Variants in PAK2 observed in about 807,000 individuals in gnomAD.
PAK2 encodes the protein serine/threonine-protein kinase PAK 2.
A neutral mutation model predicts 65.9 loss-of-function variants in PAK2; 21 were observed. That is an observed-to-expected ratio of 0.32 (90% CI 0.23 to 0.46). The LOEUF is 0.46. Among genes scored for constraint, PAK2 ranks in the 20% least tolerant of loss-of-function variants. The pLI, the probability that PAK2 is intolerant of heterozygous loss-of-function variation, is 1.00. For synonymous variants in PAK2, 204 were observed against 219.7 expected, an observed-to-expected ratio of 0.93 and a Z score of 0.63; for missense variants, 324 against 642.6, an observed-to-expected ratio of 0.50 and a Z score of 5.36.
rs55926500 is a variant in PAK2 at position 196,803,043 on chromosome 3, A to G, written c.315A>G (p.Leu105=). 639 of 1,607,176 alleles carry G rather than the reference A, an allele frequency of 4.0e-4. 6 individuals carry two copies. The East Asian group carries it at 0.012, about 31-fold the overall frequency. ...FTGMPEQWAR[L]LQTSNITKLE... ...GCATGCCAGAACAGTGGGCTCGATT[A>G]CTACAGACCTCCAATATCACCAAAC... Residue 105 remains leucine, a synonymous_variant, in exon 4 of 15, where the codon TTA becomes TTG. Transcript: ENST00000327134.
chr3:196,769,304 CAGTG>C (rs913275855), intron 1 of PAK2, among the ~76,000 whole-genome samples: 1 of 151,926 alleles, frequency 6.6e-6, no homozygotes, highest in African/African-American at 2.4e-5. Context: ...GCTTGGGTGA[CAGTG>C]AGTCTCAAAA....
chr3:196,763,029 T>A (rs1714037325), intron 1 of PAK2, among the ~76,000 whole-genome samples: 1 of 152,006 alleles, frequency 6.6e-6, no homozygotes, highest in African/African-American at 2.4e-5. Flanking sequence ...ATAGCAAAAG[T>A]AAGAAGCAGC....
intron 14 of PAK2, among the ~76,000 whole-genome samples, chr3:196,828,055 C>T (rs139422331): frequency 0.021 from 2,727 of 128,866 alleles, 50 homozygotes; most frequent in South Asian, 0.066. Flanking sequence ...ATCCTCAGAC[C>T]TGTTTACAGT....
At chr3:196,796,793 GCAGA>G (rs1362337316) in intron 2 of PAK2, among the ~76,000 whole-genome samples, 1 of 152,188 alleles carries the variant, frequency 6.6e-6, no homozygotes, top group East Asian at 1.9e-4. Flanking sequence ...TGTATAAACA[GCAGA>G]CAAACTAGAG....
rs71301221 is a variant in PAK2, at chr3:196,759,498, G to GTTTTTTTTTTTTTTTTTT, written c.-22+19363_-22+19380dup. On this transcript the variant is annotated intron_variant, in intron 1 of 14. Transcript: ENST00000327134. The stretch of plus-strand genomic sequence containing the variant: ...GGTATACAGTTAAGTGGTTTTTTTT[G>GTTTTTTTTTTTTTTTTTT]TTTTTTTTTTTTTTTTTTTTTTTTT... 4.5e-4 allele frequency among the ~76,000 whole-genome samples: 49 copies of GTTTTTTTTTTTTTTTTTT among 108,156 alleles called. 1 individual carries two copies. The highest frequency in any genetic ancestry group is 5.8e-4 in the Non-Finnish European group (32 of 55,418). 71.0% of individuals were successfully genotyped at this position (108,156 alleles called of 152,430 possible).
intron 13 of PAK2, among the ~76,000 whole-genome samples, chr3:196,825,074 A>G (rs1384450024): frequency 6.6e-6 from 1 of 152,184 alleles, no homozygotes; most frequent in African/African-American, 2.4e-5. Context: ...GACCAGACGC[A>G]GCGGCTCATG....
At chr3:196,763,261 C>T (rs1281054021) in intron 1 of PAK2, among the ~76,000 whole-genome samples, 1 of 152,092 alleles carries the variant, frequency 6.6e-6, no homozygotes, top group African/African-American at 2.4e-5. Context: ...CAAAACTGCT[C>T]AAAAAGAGTA....
At chr3:196,764,007 C>T (rs528451813) in intron 1 of PAK2, among the ~76,000 whole-genome samples, 3 of 151,196 alleles carry the variant, frequency 2.0e-5, no homozygotes, top group African/African-American at 4.9e-5. Flanking sequence ...GGGGTTTCAC[C>T]GTGTTAGCCA....
chr3:196,825,675 A>T (rs935279596), intron 13 of PAK2, among the ~76,000 whole-genome samples: 3 of 152,096 alleles, frequency 2.0e-5, no homozygotes, highest in African/African-American at 7.2e-5. Flanking sequence ...AATAAATAAA[A>T]TTCAATTTAT....
intron 13 of PAK2, among the ~76,000 whole-genome samples, chr3:196,823,088 C>T (rs1711706257): frequency 1.3e-5 from 2 of 152,222 alleles, no homozygotes; most frequent in East Asian, 3.9e-4. Flanking sequence ...TAGGATTTCC[C>T]TGGCTGCGTT....
chr3:196,811,745 G>C (rs988925733), intron 8 of PAK2, among the ~76,000 whole-genome samples: 1 of 151,970 alleles, frequency 6.6e-6, no homozygotes, highest in Non-Finnish European at 1.5e-5. Context: ...TTAAAAATTA[G>C]ACAAAGTATA....
intron 2 of PAK2, chr3:196,784,934 T>C (rs1193598491): frequency 1.3e-5 from 2 of 152,208 alleles, no homozygotes; most frequent in Non-Finnish European, 1.5e-5. Flanking sequence ...TGGTGTGAGA[T>C]GGTATCTCAT....
At chr3:196,794,462 C>T (rs1364834536) in intron 2 of PAK2, among the ~76,000 whole-genome samples, 11 of 152,220 alleles carry the variant, frequency 7.2e-5, no homozygotes, top group Admixed American at 7.2e-4. Context: ...CTGCAACACC[C>T]GTTCCCCCTG....
At chr3:196,757,608 C>T (rs767965340) in intron 1 of PAK2, among the ~76,000 whole-genome samples, 8 of 152,034 alleles carry the variant, frequency 5.3e-5, no homozygotes, top group African/African-American at 9.7e-5. Context: ...ACCCCAAACC[C>T]CTCAAATTTC....
chr3:196,831,778 T>C lies in PAK2; in HGVS notation c.*3373T>C, dbSNP rs903531126. 16 of 152,202 alleles carry C rather than the reference T, an allele frequency of 1.1e-4. No homozygotes were observed. The highest frequency in any genetic ancestry group is 2.4e-4 in the Non-Finnish European group (16 of 68,028). The allele number at this position is 152,202 out of a possible 1,614,324, so 9.4% of individuals were successfully genotyped here. A position where few individuals can be genotyped will look rare whatever the true frequency, so the allele number is the denominator to read the frequency against. ...ATTTTTGAGTCTAAATCTTTTAAAA[T>C]ATACTGAGATCCACATCTAGTGAAA... On this transcript the variant is annotated 3_prime_UTR_variant, in exon 15 of 15. Coordinates refer to ENST00000327134, the MANE Select transcript of PAK2 (RefSeq NM_002577.4).
rs1278966172 is a variant in PAK2, at chr3:196,764,220, T to C, written c.-21-18406T>C. 9.2e-5 allele frequency among the ~76,000 whole-genome samples: 14 copies of C among 152,332 alleles called. No homozygotes were observed. The East Asian group carries it at 2.7e-3, about 29-fold the overall frequency. ...TTTGGTATTTCAACTGTGAAGTTTA[T>C]TTGCATAACTTCTTTATGATAAGTT... On this transcript the variant is annotated intron_variant, in intron 1 of 14. Transcript: ENST00000327134.
chr3:196,824,020 G>T (rs1004889533), intron 13 of PAK2, among the ~76,000 whole-genome samples: 2 of 151,960 alleles, frequency 1.3e-5, no homozygotes, highest in Non-Finnish European at 2.9e-5. Context: ...GAAACAAGCA[G>T]GTTCTTCGGA....
At chr3:196,814,589 A>G in intron 11 of PAK2, 21 bp downstream of exon 11, 1 of 945,672 alleles carries the variant, frequency 1.1e-6, no homozygotes. Context: ...CTCCTTCTTG[A>G]TATGTTATGG....
At chr3:196,815,495 A>G (rs1194510024) in intron 11 of PAK2, among the ~76,000 whole-genome samples, 1 of 151,754 alleles carries the variant, frequency 6.6e-6, no homozygotes, top group East Asian at 1.9e-4. Context: ...GTCTCAAAAA[A>G]AAAAAAAAAG....
Sources: gnomAD v4.1 joint callset for allele counts (sites outside exome capture counted in the v4.1 genomes callset) on GRCh38, gnomAD v4.1.1 for gene constraint, MANE v1.5 for transcripts, NCBI Gene and HGNC (gene_info 2026-07-23, HGNC 2026-07-21) for gene names.